The following PTGR3 variants were observed in gnomAD, a reference collection of about 807,000 sequenced individuals.
The protein encoded by PTGR3 is prostaglandin reductase 3.
the PTGR3 span, chr18:75,201,493 C>T: frequency 3.7e-6 from 6 of 1,614,158 alleles, no homozygotes; most frequent in Non-Finnish European, 5.1e-6. Flanking sequence ...ATATAATTGA[C>T]AGCACGGAAT....
At chr18:75,204,178 C>T in the PTGR3 span, among the ~76,000 whole-genome samples, 1 of 152,256 alleles carries the variant, frequency 6.6e-6, no homozygotes, top group Non-Finnish European at 1.5e-5. Context: ...CCCGGGCGGC[C>T]AGCCCCTCTG....
At chr18:75,201,115 T>C in the PTGR3 span, 1 of 354,798 alleles carries the variant, frequency 2.8e-6, no homozygotes, top group Non-Finnish European at 5.1e-6. Flanking sequence ...AGATCTGGCA[T>C]CAGGAATGAA....
the PTGR3 span, chr18:75,200,035 T>G: frequency 6.6e-6 from 1 of 152,632 alleles, no homozygotes; most frequent in Non-Finnish European, 1.5e-5. Context: ...AAAGAAAAAT[T>G]AAATACAGTC....
the PTGR3 span, chr18:75,202,362 AAT>A: frequency 6.3e-7 from 1 of 1,591,652 alleles, no homozygotes; most frequent in East Asian, 2.2e-5. Context: ...CAAACAAACA[AAT>A]ATGTTACGAT....
the PTGR3 span, among the ~76,000 whole-genome samples, chr18:75,206,412 C>A: frequency 5.4e-4 from 82 of 152,240 alleles, no homozygotes; most frequent in African/African-American, 1.9e-3. Flanking sequence ...CATTCTAGAG[C>A]GGATTTTAAG....
the PTGR3 span, chr18:75,205,570 T>A: frequency 2.4e-5 from 20 of 822,278 alleles, no homozygotes; most frequent in Non-Finnish European, 2.9e-5. Flanking sequence ...AACCCCCTCG[T>A]CATGTTTACT....
the PTGR3 span, chr18:75,201,425 A>C: frequency 1.9e-6 from 3 of 1,608,270 alleles, no homozygotes; most frequent in African/African-American, 2.7e-5. Context: ...TTTACAGCTT[A>C]CTGTTGACAG....
At chr18:75,199,464 TGATTA>T in the PTGR3 span, 4 of 152,206 alleles carry the variant, frequency 2.6e-5, no homozygotes, top group African/African-American at 7.2e-5. Flanking sequence ...TAATATTCTT[TGATTA>T]GATTATTTTA....
chr18:75,201,005 T>A, the PTGR3 span: 1 of 169,880 alleles, frequency 5.9e-6, no homozygotes, highest in Non-Finnish European at 1.3e-5. Flanking sequence ...ATGAACTGCT[T>A]ATGAGCATAA....
the PTGR3 span, chr18:75,197,233 A>C: frequency 6.6e-6 from 1 of 152,224 alleles, no homozygotes; most frequent in African/African-American, 2.4e-5. Flanking sequence ...GACTATAAGC[A>C]ATAATAACTG....
chr18:75,204,768 C>G, the PTGR3 span, among the ~76,000 whole-genome samples: 1 of 152,102 alleles, frequency 6.6e-6, no homozygotes, highest in African/African-American at 2.4e-5. Context: ...CCGGGTCGGG[C>G]GGGGGCCCCG....
At chr18:75,208,183 C>T in the PTGR3 span, among the ~76,000 whole-genome samples, 1 of 152,232 alleles carries the variant, frequency 6.6e-6, no homozygotes, top group South Asian at 2.1e-4. Context: ...CCGGCAAAGG[C>T]AGCCATGCCC....
At chr18:75,202,320 G>C in the PTGR3 span, 1 of 1,611,798 alleles carries the variant, frequency 6.2e-7, no homozygotes, top group South Asian at 1.1e-5. Context: ...GTTGATGTCA[G>C]ATGCGTTAAC....
chr18:75,206,679 G>C, the PTGR3 span, among the ~76,000 whole-genome samples: 2 of 152,140 alleles, frequency 1.3e-5, no homozygotes, highest in Non-Finnish European at 2.9e-5. Flanking sequence ...CAACTCAAAA[G>C]AAAACTGTCC....
the PTGR3 span, among the ~76,000 whole-genome samples, chr18:75,207,171 T>G: frequency 1.3e-5 from 2 of 152,220 alleles, no homozygotes; most frequent in Non-Finnish European, 2.9e-5. Context: ...GGCTGTGGCT[T>G]ATAGTTCTCT....
the PTGR3 span, among the ~76,000 whole-genome samples, chr18:75,206,822 A>G: frequency 6.6e-6 from 1 of 152,362 alleles, no homozygotes; most frequent in East Asian, 1.9e-4. Context: ...AGTGGAGCAC[A>G]TTGGGGAGCT....
At chr18:75,199,343 T>G in the PTGR3 span, 1 of 152,582 alleles carries the variant, frequency 6.6e-6, no homozygotes, top group African/African-American at 2.4e-5. Context: ...GGTAATGTCC[T>G]TACTCCCCAA....
the PTGR3 span, chr18:75,209,081 C>A: frequency 2.0e-6 from 3 of 1,482,720 alleles, no homozygotes; most frequent in South Asian, 3.9e-5. The surrounding 1 kb of genome is among the most constrained non-coding windows in gnomAD (Gnocchi z 4.7). Flanking sequence ...CGCCCGCTCT[C>A]TGCGCCGACG....
the PTGR3 span, chr18:75,196,650 AAAAAAAAG>A: frequency 6.6e-6 from 1 of 150,622 alleles, no homozygotes; most frequent in African/African-American, 2.5e-5. Context: ...AAAAAAAAAA[AAAAAAAAG>A]TCTGTACTTT....
Sources: allele counts gnomAD v4.1 joint callset (sites outside exome capture counted in the v4.1 genomes callset), GRCh38; gene constraint gnomAD v4.1.1; non-coding constraint Gnocchi (gnomAD v3.1); transcripts MANE v1.5; gene names NCBI Gene and HGNC (gene_info 2026-07-23, HGNC 2026-07-21).